The following DGKA variants were observed in gnomAD, a reference collection of about 807,000 sequenced individuals.
DGKA encodes the protein 80 kDa diacylglycerol kinase.
Under a neutral mutation model 105.0 loss-of-function variants are expected in DGKA, and 35 were observed. The ratio of observed to expected loss-of-function variants is 0.33; its 90% CI spans 0.25 to 0.44. The LOEUF (loss-of-function observed/expected upper bound fraction) is 0.44. DGKA is among the 20% of genes least tolerant of loss of function. The probability of loss-of-function intolerance (pLI) is 1.00; values close to 1 mark genes in which losing one functional copy is unlikely to be tolerated. For missense variants in DGKA, 665 were observed against 915.0 expected, an observed-to-expected ratio of 0.73 and a Z score of 3.53; for synonymous variants, 296 against 332.0, an observed-to-expected ratio of 0.89 and a Z score of 1.18.
At chr12:55,941,654 G>A (rs1886028290) in intron 15 of DGKA, 70 bp downstream of exon 15, 2 of 1,484,794 alleles carry the variant, frequency 1.3e-6, no homozygotes, top group East Asian at 4.5e-5. Flanking sequence ...TTAGGAGAGT[G>A]CAGGAAAGAG....
In DGKA at chr12:55,932,315, C is replaced by T. The variant is rs1200384720; in HGVS notation, c.-82+971C>T. 7 of 559,440 alleles carry T rather than the reference C, an allele frequency of 1.3e-5. No homozygotes were observed. The highest frequency in any genetic ancestry group is 2.2e-5 in the Non-Finnish European group (7 of 311,180). 34.7% of individuals were successfully genotyped at this position (559,440 alleles called of 1,614,324 possible). On this transcript the variant is annotated intron_variant, in intron 1 of 23. Coordinates refer to ENST00000331886, the MANE Select transcript of DGKA (RefSeq NM_001345.5). The surrounding 1 kb of genome is among the most constrained non-coding windows in gnomAD (Gnocchi z 4.3). ...GCAGCGGGAGGGCTGGGCCCGAACC[C>T]GGTGGGTAACGTTTCCCAGACCTTC...
upstream of DGKA, chr12:55,927,992 C>T (rs781456097): frequency 1.8e-6 from 1 of 557,012 alleles, no homozygotes; most frequent in African/African-American, 2.0e-5. Context: ...CGCTGAGGAT[C>T]TAAAGCGGGG....
chr12:55,952,031 C>G lies in DGKA; in HGVS notation c.1588-4C>G. ...TACTGACCTTCATGTCCCGAACTCTCCAGGATGCCTCTATTGCTCATCGAT... is the reference window on the plus strand; with the variant it reads ...TACTGACCTTCATGTCCCGAACTCTGCAGGATGCCTCTATTGCTCATCGAT... On this transcript the variant is annotated splice_region_variant and splice_polypyrimidine_tract_variant and intron_variant, in intron 18 of 23. Coordinates refer to ENST00000331886, the MANE Select transcript of DGKA (RefSeq NM_001345.5). This position sits in a 1 kb window ranked among gnomAD's most constrained non-coding sequence, Gnocchi z 5.1. 6.2e-7 allele frequency: 1 copy of G among 1,613,976 alleles called. No homozygotes were observed. The highest frequency in any genetic ancestry group is 8.5e-7 in the Non-Finnish European group (1 of 1,180,004).
chr12:55,946,780 T>C (rs1324571517), intron 17 of DGKA, among the ~76,000 whole-genome samples: 2 of 152,162 alleles, frequency 1.3e-5, no homozygotes, highest in Non-Finnish European at 2.9e-5. Context: ...GAGAGAGTGA[T>C]ATTTCAGAGG....
chr12:55,953,098 A>G lies in DGKA; in HGVS notation c.2001A>G (p.Gln667=). The G allele has an allele frequency of 6.2e-7, 1 of 1,614,114 alleles. No individual in the cohort carries two copies. Among genetic ancestry groups the G allele is most frequent in the Non-Finnish European group, 8.5e-7 (1 of 1,180,032 alleles). Residue 667 remains glutamine, a synonymous_variant, in exon 22 of 24, where the codon CAA becomes CAG. Coordinates refer to ENST00000331886, the MANE Select transcript of DGKA (RefSeq NM_001345.5). ...VGLEGAIEMG[Q]IYTKLKNAGR... ...TGGAGGGTGCAATTGAGATGGGCCA[A>G]ATCTATACCAAGCTCAAGAATGCTG...
Position 55,952,078 on chromosome 12 carries a change from A to G in DGKA, c.1631A>G (p.Tyr544Cys), listed in dbSNP as rs139704041. Residue 544 changes from tyrosine to cysteine, a missense_variant, in exon 19 of 24, where the codon TAT becomes TGT. Tyr to Cys is a radical substitution (Grantham distance 194). This residue lies in a region of DGKA where 504 missense variants were observed against 681.2 expected (regional missense o/e 0.74). Transcript: ENST00000331886. This position sits in a 1 kb window ranked among gnomAD's most constrained non-coding sequence, Gnocchi z 5.1. ...CGATTCCACATCATGCGAGAGAAATATCCGGAGAAGTTCAACAGCAGGTTA... is the reference window on the plus strand; with the variant it reads ...CGATTCCACATCATGCGAGAGAAATGTCCGGAGAAGTTCAACAGCAGGTTA... The part of the protein sequence containing the change: ...AHRFHIMREK[Y>C]PEKFNSRMKN... The G allele has an allele frequency of 6.2e-7, 1 of 1,614,060 alleles. No homozygotes were observed. Among genetic ancestry groups the G allele is most frequent in the African/African-American group, 1.3e-5 (1 of 74,988 alleles).
Position 55,940,468 on chromosome 12 carries a change from T to G in DGKA, c.918+35T>G. On this transcript the variant is annotated intron_variant, in intron 11 of 23. Coordinates refer to ENST00000331886, the MANE Select transcript of DGKA (RefSeq NM_001345.5). The surrounding 1 kb of genome is among the most constrained non-coding windows in gnomAD (Gnocchi z 4.3). The stretch of plus-strand genomic sequence containing the variant: ...GGAGCCATCCCTTCTGGGTGCGTCT[T>G]ACCCCGCAGAGCTGCCTTCTCCACG... The G allele has an allele frequency of 6.2e-7, 1 of 1,610,796 alleles. No homozygotes were observed. The highest frequency in any genetic ancestry group is 8.5e-7 in the Non-Finnish European group (1 of 1,178,238).
At chr12:55,927,963 C>T (rs1205716800), upstream of DGKA, 1 of 607,458 alleles carries the variant, frequency 1.6e-6, no homozygotes, top group African/African-American at 1.9e-5. Context: ...ACTTAGTATT[C>T]TAATTAAACT....
chr12:55,937,228 C>G (rs992230505), intron 3 of DGKA, 138 bp downstream of exon 3: 1 of 1,230,126 alleles, frequency 8.1e-7, no homozygotes, highest in Non-Finnish European at 1.2e-6. Context: ...GTCACTCTGA[C>G]TATTGCTTTA....
chr12:55,928,059 C>T (rs189061360), upstream of DGKA: 5 of 455,228 alleles, frequency 1.1e-5, no homozygotes, highest in East Asian at 1.5e-4. Context: ...CTGCCCTGCG[C>T]CGTACCTCCC....
chr12:55,949,977 ATT>A (rs768401446), intron 17 of DGKA, among the ~76,000 whole-genome samples: 1 of 144,408 alleles, frequency 6.9e-6, no homozygotes, highest in Admixed American at 6.9e-5. Context: ...CACCTGGCTA[ATT>A]TTTTTTTTTT....
chr12:55,946,314 G>A (rs777965725), intron 17 of DGKA, among the ~76,000 whole-genome samples: 2 of 152,086 alleles, frequency 1.3e-5, no homozygotes, highest in East Asian at 3.9e-4. Context: ...GGGATTACAG[G>A]CATGTGCTAC....
In DGKA at chr12:55,952,208, C is replaced by A; in HGVS notation, c.1652+109C>A. The A allele has an allele frequency of 6.5e-7, 1 of 1,536,874 alleles. No homozygotes were observed. ...AACAGTGGCACCTCTAGGAGGTCCCCCCAACCAAAGCCACCCTTGTTCCCC... is the reference window on the plus strand; with the variant it reads ...AACAGTGGCACCTCTAGGAGGTCCCACCAACCAAAGCCACCCTTGTTCCCC... On this transcript the variant is annotated intron_variant, in intron 19 of 23. Transcript: ENST00000331886. The surrounding 1 kb of genome is among the most constrained non-coding windows in gnomAD (Gnocchi z 5.1).
chr12:55,930,775 TACA>T (rs5798362), upstream of DGKA: 8 of 151,568 alleles, frequency 5.3e-5, no homozygotes, highest in Admixed American at 4.6e-4. Flanking sequence ...CCAGTTTGGA[TACA>T]ACAATACTCC....
chr12:55,946,301 G>C (rs1177625847), intron 17 of DGKA, among the ~76,000 whole-genome samples: 1 of 152,084 alleles, frequency 6.6e-6, no homozygotes, highest in Non-Finnish European at 1.5e-5. Flanking sequence ...CTCCCTAGTA[G>C]CTGGGATTAC....
Position 55,953,929 on chromosome 12 carries a change from C to G in DGKA, c.*161C>G, listed in dbSNP as rs906319803. On this transcript the variant is annotated 3_prime_UTR_variant, in exon 24 of 24. Coordinates refer to ENST00000331886, the MANE Select transcript of DGKA (RefSeq NM_001345.5). ...TTATCCTGCACCACCTCACTGTTCC[C>G]CATGCGCACACACATACACACACCC... 5.9e-6 allele frequency: 4 copies of G among 672,606 alleles called. No homozygotes were observed. Among genetic ancestry groups the G allele is most frequent in the Non-Finnish European group, 1.0e-5 (4 of 392,002 alleles). 41.7% of individuals were successfully genotyped at this position (672,606 alleles called of 1,614,324 possible).
chr12:55,941,717 A>G lies in DGKA; in HGVS notation c.1250+133A>G, dbSNP rs566211518. The G allele has an allele frequency of 2.2e-4, 217 of 972,364 alleles. 3 individuals carry two copies. The East Asian group carries it at 5.3e-3, about 24-fold the overall frequency. The allele number at this position is 972,364 out of a possible 1,614,324, so 60.2% of individuals were successfully genotyped here. ...TCCCCAAGAGGCCAGAATTCAGAAT[A>G]TTTCCTTCCCTAGGGTCACTGGGTA... is the stretch of plus-strand genomic sequence containing the variant. On this transcript the variant is annotated intron_variant, in intron 15 of 23. Coordinates refer to ENST00000331886, the MANE Select transcript of DGKA (RefSeq NM_001345.5).
At chr12:55,931,819 A>G in intron 1 of DGKA, 1 of 152,664 alleles carries the variant, frequency 6.6e-6, no homozygotes, top group South Asian at 2.1e-4. Flanking sequence ...CGCGGGAAGA[A>G]GATGAGGAGC....
In DGKA at chr12:55,941,581, T is replaced by C. The variant is rs1886007677; in HGVS notation, c.1247T>C (p.Ile416Thr). The C allele has an allele frequency of 1.2e-6, 2 of 1,614,052 alleles. No individual in the cohort carries two copies. The highest frequency in any genetic ancestry group is 1.7e-6 in the Non-Finnish European group (2 of 1,179,964). The change falls in exon 15 of 24, where the codon ATA becomes ACA. Residue 416 changes from isoleucine to threonine, a missense_variant. By Grantham distance (89) the Ile-to-Thr change is moderately conservative. Coordinates refer to ENST00000331886, the MANE Select transcript of DGKA (RefSeq NM_001345.5). ...VFNLLKDGPE[I>T]GLRLFKDVPD... ...AACCTCCTAAAGGATGGTCCTGAGA[T>C]AGGGTGAGCACAGGTTAGGGACTGT...
Sources: gnomAD v4.1 joint callset for allele counts (sites outside exome capture counted in the v4.1 genomes callset) on GRCh38, gnomAD v4.1.1 for gene constraint, gnomAD v4.1.1 regional missense constraint, Gnocchi (gnomAD v3.1) non-coding constraint, MANE v1.5 for transcripts, NCBI Gene and HGNC (gene_info 2026-07-23, HGNC 2026-07-21) for gene names.